KCNT2: variants seen among roughly 807,000 people sequenced by gnomAD.
The protein encoded by KCNT2 is potassium sodium-activated channel subfamily T member 2, also known as potassium channel subfamily T member 2.
A neutral mutation model predicts 153.8 loss-of-function variants in KCNT2; 67 were observed. The observed-to-expected ratio is 0.44, with a 90% confidence interval of 0.36 to 0.53. The LOEUF (loss-of-function observed/expected upper bound fraction) is 0.53. Ranked by LOEUF, KCNT2 falls within the 20% of genes least tolerant of loss-of-function variation. The pLI is 0.00. For missense variants in KCNT2, 975 were observed against 1,354.8 expected, an observed-to-expected ratio of 0.72 and a Z score of 4.40; for synonymous variants, 500 against 458.8, an observed-to-expected ratio of 1.09 and a Z score of -1.15.
chr1:196,498,166 A>T (rs886510339), intron 1 of KCNT2, among the ~76,000 whole-genome samples: 1 of 151,962 alleles, frequency 6.6e-6, no homozygotes, highest in Non-Finnish European at 1.5e-5. Flanking sequence ...AATTTTCCTG[A>T]TTCACTCTTA....
chr1:196,569,327 A>G (rs1008176470), intron 1 of KCNT2, among the ~76,000 whole-genome samples: 1 of 152,146 alleles, frequency 6.6e-6, no homozygotes, highest in Admixed American at 6.5e-5. Flanking sequence ...TAAAAAACAC[A>G]TTGTCTTTTT....
chr1:196,538,696 T>TC (rs1253169414), intron 1 of KCNT2, among the ~76,000 whole-genome samples: 4 of 152,174 alleles, frequency 2.6e-5, no homozygotes, highest in Non-Finnish European at 5.9e-5. Flanking sequence ...AACTGCTGAG[T>TC]CAGGCTGCAC....
intron 26 of KCNT2, among the ~76,000 whole-genome samples, chr1:196,239,904 C>A (rs957541860): frequency 1.3e-5 from 2 of 151,826 alleles, no homozygotes; most frequent in Admixed American, 6.6e-5. Context: ...GAAGAGATAC[C>A]AGGAGTAAAT....
chr1:196,452,128 C>A (rs539807143), intron 8 of KCNT2, among the ~76,000 whole-genome samples: 15 of 151,918 alleles, frequency 9.9e-5, no homozygotes, highest in Non-Finnish European at 1.8e-4. Context: ...GCTTGTATGA[C>A]CTTGAGTTGT....
intron 8 of KCNT2, among the ~76,000 whole-genome samples, chr1:196,435,135 G>GTATATATATATATA (rs200431131): frequency 1.3e-5 from 1 of 76,872 alleles, no homozygotes; most frequent in African/African-American, 4.8e-5. Context: ...GTGTGTGTGT[G>GTATATATATATATA]TATGTATATA....
intron 1 of KCNT2, among the ~76,000 whole-genome samples, chr1:196,565,672 T>C (rs2148935624): frequency 6.6e-6 from 1 of 151,272 alleles, no homozygotes; most frequent in South Asian, 2.1e-4. Context: ...TGGGACAACA[T>C]GCATGAACCT....
At chr1:196,311,347 T>C (rs1185823932) in intron 21 of KCNT2, among the ~76,000 whole-genome samples, 2 of 151,790 alleles carry the variant, frequency 1.3e-5, no homozygotes, top group African/African-American at 2.4e-5. Flanking sequence ...CCAAGCATGA[T>C]ACATTAACAA....
chr1:196,581,526 G>A (rs963338120), intron 1 of KCNT2, among the ~76,000 whole-genome samples: 1 of 151,718 alleles, frequency 6.6e-6, no homozygotes, highest in Admixed American at 6.6e-5. Context: ...CTTATTCCCT[G>A]AGGCTATTCC....
chr1:196,597,028 G>T (rs1187741963), intron 1 of KCNT2, among the ~76,000 whole-genome samples: 1 of 152,110 alleles, frequency 6.6e-6, no homozygotes, highest in Non-Finnish European at 1.5e-5. Flanking sequence ...ACATTAAATT[G>T]TATATTTACT....
At chr1:196,491,563 T>G (rs1679863153) in intron 2 of KCNT2, among the ~76,000 whole-genome samples, 2 of 152,048 alleles carry the variant, frequency 1.3e-5, no homozygotes, top group Non-Finnish European at 2.9e-5. Flanking sequence ...GCATATTGGT[T>G]TATTACATAT....
intron 1 of KCNT2, among the ~76,000 whole-genome samples, chr1:196,588,016 C>T (rs1055110546): frequency 2.6e-5 from 4 of 152,002 alleles, no homozygotes; most frequent in African/African-American, 9.7e-5. Context: ...GGAAAAATTA[C>T]AATAATCATA....
chr1:196,322,091 T>C (rs1295345145), intron 19 of KCNT2, among the ~76,000 whole-genome samples: 1 of 151,860 alleles, frequency 6.6e-6, no homozygotes, highest in Non-Finnish European at 1.5e-5. Flanking sequence ...AAAGTACTGA[T>C]GAAGAGTTTT....
intron 14 of KCNT2, among the ~76,000 whole-genome samples, chr1:196,342,774 A>G (rs1223882045): frequency 1.3e-5 from 2 of 152,024 alleles, no homozygotes; most frequent in Non-Finnish European, 2.9e-5. Flanking sequence ...CGTAGCAATA[A>G]CTTTCTTCCA....
chr1:196,245,879 G>A (rs1655397393), intron 26 of KCNT2, among the ~76,000 whole-genome samples: 1 of 152,136 alleles, frequency 6.6e-6, no homozygotes, highest in Admixed American at 6.5e-5. Flanking sequence ...GCAAATCTAA[G>A]AGTTACTGAC....
intron 1 of KCNT2, among the ~76,000 whole-genome samples, chr1:196,546,174 C>T (rs962470636): frequency 6.6e-6 from 1 of 152,004 alleles, no homozygotes; most frequent in East Asian, 1.9e-4. Flanking sequence ...TCCTCAACAA[C>T]GTTTGTCTAT....
intron 1 of KCNT2, among the ~76,000 whole-genome samples, chr1:196,559,908 G>T (rs1311077054): frequency 6.6e-6 from 1 of 151,786 alleles, no homozygotes; most frequent in Admixed American, 6.6e-5. Flanking sequence ...TACAGGACAC[G>T]TTAAATAAGA....
chr1:196,565,926 A>T (rs1409025445), intron 1 of KCNT2, among the ~76,000 whole-genome samples: 1 of 151,864 alleles, frequency 6.6e-6, no homozygotes, highest in Non-Finnish European at 1.5e-5. Flanking sequence ...GTAGTTAATA[A>T]CAATGTATTA....
At chr1:196,360,766 G>T (rs960710971) in intron 14 of KCNT2, among the ~76,000 whole-genome samples, 1 of 152,024 alleles carries the variant, frequency 6.6e-6, no homozygotes, top group Admixed American at 6.6e-5. Context: ...ACCAAACATT[G>T]ATCTCGGACT....
chr1:196,262,083 AAC>A, intron 25 of KCNT2, among the ~76,000 whole-genome samples: 1 of 152,034 alleles, frequency 6.6e-6, no homozygotes, highest in East Asian at 1.9e-4. Flanking sequence ...AATAATTAAA[AAC>A]ACAAAAAATA....
Sources: allele counts gnomAD v4.1 joint callset (sites outside exome capture counted in the v4.1 genomes callset), GRCh38; gene constraint gnomAD v4.1.1; transcripts MANE v1.5; gene names NCBI Gene and HGNC (gene_info 2026-07-23, HGNC 2026-07-21).